Variants in NTNG2 observed in about 807,000 individuals in gnomAD.
NTNG2 encodes the protein netrin-G2.
A neutral mutation model predicts 47.6 loss-of-function variants in NTNG2; 15 were observed. That is an observed-to-expected ratio of 0.32 (90% CI 0.21 to 0.49). The LOEUF is 0.49. Among genes scored for constraint, NTNG2 ranks in the 20% least tolerant of loss-of-function variants. The probability of loss-of-function intolerance (pLI) is 0.99; values close to 1 mark genes in which losing one functional copy is unlikely to be tolerated. For missense variants in NTNG2, 578 were observed against 764.6 expected, an observed-to-expected ratio of 0.76 and a Z score of 2.88; for synonymous variants, 307 against 324.6, an observed-to-expected ratio of 0.95 and a Z score of 0.58.
At chr9:132,224,605 C>A (rs1012661650) in intron 3 of NTNG2, among the ~76,000 whole-genome samples, 1 of 152,140 alleles carries the variant, frequency 6.6e-6, no homozygotes, top group African/African-American at 2.4e-5. Flanking sequence ...ATAACAGGTG[C>A]CTGATAAATA....
In NTNG2 at chr9:132,231,854, C is replaced by A. The variant is rs149217099; in HGVS notation, c.1054+1259C>A. On this transcript the variant is annotated intron_variant, in intron 5 of 7. Coordinates refer to ENST00000393229, the MANE Select transcript of NTNG2 (RefSeq NM_032536.4). This position sits in a 1 kb window ranked among gnomAD's most constrained non-coding sequence, Gnocchi z 4.1. ...CTCCTGCTTCTAGCCTGGGTCCCTG[C>A]CTCTCTTGGGGTGGGAGGGTCGGCA... 1.8e-3 allele frequency: 284 copies of A among 157,318 alleles called. No individual in the cohort carries two copies. The highest frequency in any genetic ancestry group is 3.3e-3 in the Middle Eastern group (1 of 304). 9.7% of individuals were successfully genotyped at this position (157,318 alleles called of 1,614,324 possible). A position where few individuals can be genotyped will look rare whatever the true frequency, so the allele number is the denominator to read the frequency against.
intron 1 of NTNG2, among the ~76,000 whole-genome samples, chr9:132,164,392 G>T (rs1410146319): frequency 4.6e-5 from 7 of 152,120 alleles, no homozygotes; most frequent in African/African-American, 1.7e-4. Context: ...GAGCAGCCGC[G>T]GGTCCTGCAG....
chr9:132,225,561 C>T (rs763408275), intron 3 of NTNG2, among the ~76,000 whole-genome samples: 5 of 152,190 alleles, frequency 3.3e-5, no homozygotes, highest in African/African-American at 7.2e-5. Context: ...TGCACCACCA[C>T]GCCTAGCCTG....
At chr9:132,235,374 C>T (rs1841546631) in intron 5 of NTNG2, among the ~76,000 whole-genome samples, 1 of 152,166 alleles carries the variant, frequency 6.6e-6, no homozygotes, top group Admixed American at 6.5e-5. Context: ...AGAAGGGTCT[C>T]GCTGAAGAAT....
rs201159599 is a variant in NTNG2, at chr9:132,166,825, C to G, written c.-7C>G. 222 of 1,613,122 alleles carry G rather than the reference C, an allele frequency of 1.4e-4. No individual in the cohort carries two copies. The African/African-American group carries it at 2.8e-3, about 20-fold the overall frequency. ...CTCTGGGCCGCGCCTCTGCAGACTG[C>G]GCAGCCATGCTGCATCTGCTGGCGC... is the stretch of plus-strand genomic sequence containing the variant. On this transcript the variant is annotated 5_prime_UTR_variant, in exon 2 of 8. Coordinates refer to ENST00000393229, the MANE Select transcript of NTNG2 (RefSeq NM_032536.4).
At chr9:132,237,582 C>T (rs1255846667) in intron 5 of NTNG2, among the ~76,000 whole-genome samples, 1 of 152,232 alleles carries the variant, frequency 6.6e-6, no homozygotes, top group Non-Finnish European at 1.5e-5. Context: ...CCATCCGCCG[C>T]TGGAAAAAGA....
chr9:132,166,941 A>G lies in NTNG2; in HGVS notation c.110A>G (p.Tyr37Cys). 1.2e-6 allele frequency: 2 copies of G among 1,614,178 alleles called. No homozygotes were observed. The highest frequency in any genetic ancestry group is 1.7e-6 in the Non-Finnish European group (2 of 1,180,030). The change falls in exon 2 of 8, where the codon TAC becomes TGC. Residue 37 changes from tyrosine (Y) to cysteine (C), a missense_variant. Transcript: ENST00000393229. Reference sequence around the variant, plus strand: ...GATGAGGGCCCCACCTGGGAGTTCTACGCCTGCCAGCCCAAGGTGATGCGC... The same window carrying G: ...GATGAGGGCCCCACCTGGGAGTTCTGCGCCTGCCAGCCCAAGGTGATGCGC... ...TTDEGPTWEFYACQPKVMRLK... is the reference protein window; with the variant it reads ...TTDEGPTWEFCACQPKVMRLK...
intron 3 of NTNG2, among the ~76,000 whole-genome samples, chr9:132,223,992 T>C (rs1422942547): frequency 1.3e-5 from 2 of 152,168 alleles, no homozygotes. Flanking sequence ...TGCCTCTTTC[T>C]AGAAGGTTCT....
intron 3 of NTNG2, among the ~76,000 whole-genome samples, chr9:132,222,639 G>T (rs1401672408): frequency 6.6e-6 from 1 of 152,166 alleles, no homozygotes; most frequent in Non-Finnish European, 1.5e-5. Flanking sequence ...GAGCATCACG[G>T]CACAGTGGAT....
chr9:132,231,854 C>CACGAACG lies in NTNG2; in HGVS notation c.1054+1259_1054+1260insACGAACG. The CACGAACG allele has an allele frequency of 6.4e-6, 1 of 157,320 alleles. No homozygotes were observed. The highest frequency in any genetic ancestry group is 6.1e-5 in the Admixed American group (1 of 16,420). The allele number at this position is 157,320 out of a possible 1,614,324, so 9.7% of individuals were successfully genotyped here. A position where few individuals can be genotyped will look rare whatever the true frequency, so the allele number is the denominator to read the frequency against. The stretch of plus-strand genomic sequence containing the variant: ...CTCCTGCTTCTAGCCTGGGTCCCTG[C>CACGAACG]CTCTCTTGGGGTGGGAGGGTCGGCA... On this transcript the variant is annotated intron_variant, in intron 5 of 7. Coordinates refer to ENST00000393229, the MANE Select transcript of NTNG2 (RefSeq NM_032536.4). This position sits in a 1 kb window ranked among gnomAD's most constrained non-coding sequence, Gnocchi z 4.1.
At chr9:132,216,457 T>C (rs1183499240) in intron 3 of NTNG2, among the ~76,000 whole-genome samples, 6 of 127,592 alleles carry the variant, frequency 4.7e-5, no homozygotes. Flanking sequence ...TGTGTGTGTG[T>C]GTGTGTGTGT....
chr9:132,229,316 C>T (rs1462638954), intron 4 of NTNG2, among the ~76,000 whole-genome samples: 2 of 152,176 alleles, frequency 1.3e-5, no homozygotes, highest in African/African-American at 4.8e-5. Flanking sequence ...GTGGCACCGA[C>T]ACCCACGGGG....
intron 5 of NTNG2, 161 bp from the exon 6 acceptor site, chr9:132,238,943 T>C (rs1162583318): frequency 1.4e-6 from 1 of 718,988 alleles, no homozygotes; most frequent in South Asian, 1.5e-5. Flanking sequence ...TCTTCCTGAA[T>C]CCGATGGAAG....
rs761666324 is a variant in NTNG2, at chr9:132,198,025, G to A, written c.273G>A (p.Pro91=). ...CCTCCAACCCGGACCTGGCCCACCC[G>A]CCCAGGCTCATGTTCGACAAGGAGG... The part of the protein sequence containing the change: ...CDASNPDLAH[P]PRLMFDKEEE... Residue 91 remains proline, a synonymous_variant, in exon 3 of 8, where the codon CCG becomes CCA. Coordinates refer to ENST00000393229, the MANE Select transcript of NTNG2 (RefSeq NM_032536.4). The A allele has an allele frequency of 5.6e-6, 9 of 1,613,354 alleles. No individual in the cohort carries two copies. The highest frequency in any genetic ancestry group is 1.3e-5 in the African/African-American group (1 of 74,878).
rs1010245157 is a variant in NTNG2, at chr9:132,242,246, C to T, written c.*135C>T. ...CCAGGTGCTACTCAGCAGGGCCCCCCGCCCGGCCCGCGCTCCCGCCCGCAC... is the reference window on the plus strand; with the variant it reads ...CCAGGTGCTACTCAGCAGGGCCCCCTGCCCGGCCCGCGCTCCCGCCCGCAC... On this transcript the variant is annotated 3_prime_UTR_variant, in exon 8 of 8. Coordinates refer to ENST00000393229, the MANE Select transcript of NTNG2 (RefSeq NM_032536.4). This position sits in a 1 kb window ranked among gnomAD's most constrained non-coding sequence, Gnocchi z 5.9. 6 of 254,488 alleles carry T rather than the reference C, an allele frequency of 2.4e-5. No homozygotes were observed. The highest frequency in any genetic ancestry group is 3.9e-5 in the Non-Finnish European group (6 of 153,032). The allele number at this position is 254,488 out of a possible 1,614,324, so 15.8% of individuals were successfully genotyped here.
At chr9:132,165,126 C>A (rs1412013795) in intron 1 of NTNG2, among the ~76,000 whole-genome samples, 1 of 152,160 alleles carries the variant, frequency 6.6e-6, no homozygotes, top group Non-Finnish European at 1.5e-5. Flanking sequence ...ATCATGCAGG[C>A]ACTTTTTTAC....
At chr9:132,229,279 G>A (rs983606280) in intron 4 of NTNG2, among the ~76,000 whole-genome samples, 5 of 152,054 alleles carry the variant, frequency 3.3e-5, no homozygotes, top group African/African-American at 1.2e-4. Context: ...CCCTCACCCT[G>A]CCCCTACCGT....
intron 2 of NTNG2, among the ~76,000 whole-genome samples, chr9:132,186,474 A>G (rs1837392124): frequency 6.6e-6 from 1 of 151,936 alleles, no homozygotes; most frequent in Admixed American, 6.5e-5. Context: ...CGCCCACCAC[A>G]CTCTGGTGGT....
intron 2 of NTNG2, among the ~76,000 whole-genome samples, chr9:132,173,021 A>G (rs900964285): frequency 3.3e-5 from 5 of 152,082 alleles, no homozygotes; most frequent in Non-Finnish European, 5.9e-5. Context: ...GAGCCACTGC[A>G]CTTGGCCAGG....
Sources: gnomAD v4.1 joint callset for allele counts (sites outside exome capture counted in the v4.1 genomes callset) on GRCh38, gnomAD v4.1.1 for gene constraint, Gnocchi (gnomAD v3.1) non-coding constraint, MANE v1.5 for transcripts, NCBI Gene and HGNC (gene_info 2026-07-23, HGNC 2026-07-21) for gene names.